Variants in ESYT2 observed in about 807,000 individuals in gnomAD.
ESYT2 encodes extended synaptotagmin 2, also known as extended synaptotagmin-2.
ESYT2 carries 54 observed loss-of-function variants against 107.2 expected under a neutral mutation model. The observed-to-expected ratio is 0.50, with a 90% CI of 0.40 to 0.63. The LOEUF is 0.63. Ranked by LOEUF, ESYT2 falls within the 30% of genes least tolerant of loss-of-function variation. ESYT2 has a pLI of 0.00. For missense variants in ESYT2, 1,020 were observed against 1,094.5 expected (o/e 0.93, Z 0.96); for synonymous variants, 491 against 434.1 (o/e 1.13, Z -1.63).
intron 3 of ESYT2, among the ~76,000 whole-genome samples, chr7:158,795,595 C>CA (rs1211823086): frequency 4.3e-5 from 5 of 116,124 alleles, no homozygotes; most frequent in Non-Finnish European, 9.2e-5. Flanking sequence ...CACGTACAGA[C>CA]AGAGCATGCA....
At chr7:158,770,752 T>C (rs577825719) in intron 7 of ESYT2, among the ~76,000 whole-genome samples, 119 of 152,084 alleles carry the variant, frequency 7.8e-4, no homozygotes, top group African/African-American at 2.8e-3. Context: ...CCTGACCTCA[T>C]GATCCACCTG....
At chr7:158,735,701 A>T in intron 20 of ESYT2, 93 bp from the exon 21 acceptor site, 1 of 1,032,942 alleles carries the variant, frequency 9.7e-7, no homozygotes, top group Admixed American at 2.1e-5. Context: ...GATCATTCCA[A>T]ATGTCATGTT....
At chr7:158,828,619 G>C (rs1392138347) in intron 1 of ESYT2, among the ~76,000 whole-genome samples, 1 of 152,206 alleles carries the variant, frequency 6.6e-6, no homozygotes, top group Admixed American at 6.5e-5. Flanking sequence ...CCGGAGCCTG[G>C]GCGGGCGGGG....
rs1244011874 is a variant in ESYT2, at chr7:158,734,444, G to A, written c.2533C>T (p.Leu845Phe). 5.0e-6 allele frequency: 8 copies of A among 1,614,020 alleles called. No individual in the cohort carries two copies. The change falls in exon 22 of 23, where the codon CTT (leucine) becomes TTT (phenylalanine). Residue 845 changes from leucine (L) to phenylalanine (F), a missense_variant. Physicochemically the swap from Leu to Phe is conservative, Grantham distance 22 (BLOSUM62 0). Transcript: ENST00000275418. ...KVLVALASEE[L>F]AKGWTQWYDL... is the part of the protein sequence containing the mutation. ...CACCACTGGGTCCAGCCTTTGGCAA[G>A]TTCTTCAGATGCCAGAGCAACCAAT...
At chr7:158,805,299 A>T (rs1050457631) in intron 1 of ESYT2, among the ~76,000 whole-genome samples, 1 of 152,222 alleles carries the variant, frequency 6.6e-6, no homozygotes, top group African/African-American at 2.4e-5. Flanking sequence ...GTCAGTATTC[A>T]TGGAAACTGA....
At chr7:158,735,936 A>G (rs1166970255) in intron 20 of ESYT2, among the ~76,000 whole-genome samples, 1 of 152,152 alleles carries the variant, frequency 6.6e-6, no homozygotes, top group African/African-American at 2.4e-5. Context: ...AATGTTGACA[A>G]AACAGCAATT....
intron 6 of ESYT2, among the ~76,000 whole-genome samples, chr7:158,785,471 A>AATCAATCAATC (rs1839079461): frequency 7.3e-6 from 1 of 137,460 alleles, no homozygotes; most frequent in African/African-American, 2.7e-5. Flanking sequence ...ATAAATAAAT[A>AATCAATCAATC]AATCACCTCC....
At chr7:158,746,648 A>G (rs1298016337) in intron 16 of ESYT2, among the ~76,000 whole-genome samples, 1 of 152,226 alleles carries the variant, frequency 6.6e-6, no homozygotes, top group Non-Finnish European at 1.5e-5. Flanking sequence ...GAATTTCTGG[A>G]AAGTTGCTAA....
chr7:158,793,382 T>A (rs1218649835), intron 4 of ESYT2, among the ~76,000 whole-genome samples: 1 of 152,240 alleles, frequency 6.6e-6, no homozygotes, highest in Non-Finnish European at 1.5e-5. Context: ...ATTTTATCAA[T>A]GTTCATAAAG....
rs961414162 is a variant in ESYT2 at position 158,808,575 on chromosome 7, A to G, written c.331-9503T>C. 3.9e-5 allele frequency among the ~76,000 whole-genome samples: 6 copies of G among 152,358 alleles called. No individual in the cohort carries two copies. In the East Asian group the frequency reaches 1.2e-3, roughly 29 times the overall value. Reference sequence around the variant, plus strand: ...GCTAAGATGTAAGAACGAATCTTCCATCTGTGAAACTGAAGAAGGAAAATA... The same window carrying G: ...GCTAAGATGTAAGAACGAATCTTCCGTCTGTGAAACTGAAGAAGGAAAATA... On this transcript the variant is annotated intron_variant, in intron 1 of 22. Coordinates refer to ENST00000275418, the MANE Select transcript of ESYT2 (RefSeq NM_001367773.1).
rs1270061007 is a variant in ESYT2 at position 158,734,137 on chromosome 7, T to C, written c.*70A>G. On this transcript the variant is annotated 3_prime_UTR_variant, in exon 23 of 23. Transcript: ENST00000275418. Reference sequence around the variant, plus strand: ...AAATTATAAAAATAACATTGGTACGTCTGTGAGAGGGTGTGTTCCGGGTAG... The same window carrying C: ...AAATTATAAAAATAACATTGGTACGCCTGTGAGAGGGTGTGTTCCGGGTAG... 6.6e-7 allele frequency: 1 copy of C among 1,508,056 alleles called. No homozygotes were observed. Among genetic ancestry groups the C allele is most frequent in the Non-Finnish European group, 9.2e-7 (1 of 1,086,558 alleles). The allele number at this position is 1,508,056 out of a possible 1,614,324, so 93.4% of individuals were successfully genotyped here. A position where few individuals can be genotyped will look rare whatever the true frequency, so the allele number is the denominator to read the frequency against.
intron 16 of ESYT2, 97 bp from the exon 17 acceptor site, chr7:158,743,775 A>G (rs1837302205): frequency 1.5e-6 from 2 of 1,340,932 alleles, no homozygotes; most frequent in East Asian, 5.9e-5. Flanking sequence ...CCTCAGAGAT[A>G]GGAACTTAGA....
chr7:158,806,124 C>A (rs842428), intron 1 of ESYT2, among the ~76,000 whole-genome samples: 48 of 147,928 alleles, frequency 3.2e-4, no homozygotes, highest in African/African-American at 1.1e-3. Context: ...GGGCACACCG[C>A]GTGGGAGGTG....
intron 19 of ESYT2, 83 bp from the exon 20 acceptor site, chr7:158,737,262 C>T (rs1308282814): frequency 1.3e-6 from 2 of 1,492,794 alleles, no homozygotes; most frequent in East Asian, 4.7e-5. Flanking sequence ...CTTTATCAAG[C>T]TTTGATTTCA....
At chr7:158,760,818 C>T (rs1837936443) in intron 11 of ESYT2, among the ~76,000 whole-genome samples, 1 of 152,152 alleles carries the variant, frequency 6.6e-6, no homozygotes, top group African/African-American at 2.4e-5. Flanking sequence ...TGATAGAAGC[C>T]ATGGGCAGGA....
chr7:158,770,096 G>C lies in ESYT2; in HGVS notation c.804-2322C>G, dbSNP rs1303073796. Among the ~76,000 whole-genome samples, 7 of 151,816 alleles carry C rather than the reference G, an allele frequency of 4.6e-5. No homozygotes were observed. In the East Asian group the frequency reaches 1.4e-3, roughly 29 times the overall value. On this transcript the variant is annotated intron_variant, in intron 7 of 22. Coordinates refer to ENST00000275418, the MANE Select transcript of ESYT2 (RefSeq NM_001367773.1). ...AGTAGAGATGGGATTTCACTATGTT[G>C]GCTAGGTTGGTCTCAAACTCCCGAC...
chr7:158,740,817 G>A (rs1837168396), intron 18 of ESYT2, among the ~76,000 whole-genome samples: 1 of 152,156 alleles, frequency 6.6e-6, no homozygotes, highest in East Asian at 1.9e-4. Flanking sequence ...CAGTCTGCGT[G>A]TGCTTTTTCT....
rs1836738585 is a variant in ESYT2 at position 158,731,313 on chromosome 7, A to C, written c.*2894T>G. 1 of 152,180 alleles carries C rather than the reference A, an allele frequency of 6.6e-6. No homozygotes were observed. Among genetic ancestry groups the C allele is most frequent in the African/African-American group, 2.4e-5 (1 of 41,438 alleles). The allele number at this position is 152,180 out of a possible 1,614,324, so 9.4% of individuals were successfully genotyped here. Reference sequence around the variant, plus strand: ...TTACAAGGCTGCTTCTATTTTATTTATTTTTTGAGACGGAGTCTCACTCTG... The same window carrying C: ...TTACAAGGCTGCTTCTATTTTATTTCTTTTTTGAGACGGAGTCTCACTCTG... On this transcript the variant is annotated 3_prime_UTR_variant, in exon 23 of 23. Transcript: ENST00000275418.
At chr7:158,796,568 C>T (rs1039000354) in intron 3 of ESYT2, among the ~76,000 whole-genome samples, 1 of 152,140 alleles carries the variant, frequency 6.6e-6, no homozygotes, top group Non-Finnish European at 1.5e-5. Flanking sequence ...CTAGTGCTTC[C>T]GAAAAGGGCG....
Sources: allele counts gnomAD v4.1 joint callset (sites outside exome capture counted in the v4.1 genomes callset), GRCh38; gene constraint gnomAD v4.1.1; transcripts MANE v1.5; gene names NCBI Gene and HGNC (gene_info 2026-07-23, HGNC 2026-07-21).